The following LRRIQ3 variants were observed in gnomAD, a reference collection of about 807,000 sequenced individuals.
LRRIQ3 encodes leucine rich repeats and IQ motif containing 3.
Under a neutral mutation model 59.3 loss-of-function variants are expected in LRRIQ3, and 75 were observed. That is an observed-to-expected ratio of 1.26 (90% CI 1.05 to 1.53). The LOEUF (loss-of-function observed/expected upper bound fraction) is 1.53. Among genes scored for constraint, LRRIQ3 ranks in the 40% most tolerant of loss-of-function variants. The pLI, the probability that LRRIQ3 is intolerant of heterozygous loss-of-function variation, is 0.00. For missense variants in LRRIQ3, 831 were observed against 710.0 expected (o/e 1.17, Z -1.94); for synonymous variants, 250 against 231.3 (o/e 1.08, Z -0.73).
chr1:74,163,637 A>G (rs1434603320), intron 3 of LRRIQ3, among the ~76,000 whole-genome samples: 1 of 151,542 alleles, frequency 6.6e-6, no homozygotes, highest in Non-Finnish European at 1.5e-5. Context: ...GGGATGTGTC[A>G]ATTCATTTAA....
intron 6 of LRRIQ3, among the ~76,000 whole-genome samples, chr1:74,072,093 T>C (rs909937549): frequency 6.6e-6 from 1 of 152,144 alleles, no homozygotes; most frequent in African/African-American, 2.4e-5. Context: ...AGTTTGATTA[T>C]CACCATTATA....
intron 7 of LRRIQ3, among the ~76,000 whole-genome samples, chr1:74,040,060 C>T (rs1406687241): frequency 6.6e-6 from 1 of 151,948 alleles, no homozygotes; most frequent in African/African-American, 2.4e-5. Context: ...TGCAGACACA[C>T]ATAGGCTCAA....
At chr1:74,038,684 G>T (rs1653948255) in intron 7 of LRRIQ3, among the ~76,000 whole-genome samples, 1 of 152,180 alleles carries the variant, frequency 6.6e-6, no homozygotes, top group Non-Finnish European at 1.5e-5. Flanking sequence ...GATGAATAGT[G>T]CTTGAAGCGA....
intron 4 of LRRIQ3, among the ~76,000 whole-genome samples, chr1:74,145,781 AT>A (rs1647532163): frequency 6.6e-6 from 1 of 152,120 alleles, no homozygotes; most frequent in African/African-American, 2.4e-5. Context: ...AGTTTTAAAA[AT>A]AAATCCTCAA....
intron 4 of LRRIQ3, among the ~76,000 whole-genome samples, chr1:74,124,959 A>C (rs919160433): frequency 6.6e-6 from 1 of 151,980 alleles, no homozygotes; most frequent in Non-Finnish European, 1.5e-5. Context: ...TAGTATGGAC[A>C]TTTTAAAAAT....
At chr1:74,112,274 A>T (rs4596834) in intron 4 of LRRIQ3, among the ~76,000 whole-genome samples, 46,571 of 152,020 alleles carry the variant, frequency 0.31, 7,946 homozygotes, top group Middle Eastern at 0.45. Flanking sequence ...TCTCAAAGTG[A>T]ACTGACTTTA....
intron 4 of LRRIQ3, among the ~76,000 whole-genome samples, chr1:74,111,692 T>C (rs963041639): frequency 2.0e-5 from 3 of 152,078 alleles, no homozygotes; most frequent in African/African-American, 7.2e-5. Context: ...GAAAATCTAT[T>C]ACATCTCAGT....
In LRRIQ3 at chr1:74,094,813, T is replaced by C. The variant is rs572516090; in HGVS notation, c.867+14581A>G. Reference sequence around the variant, plus strand: ...ATGATGGAATTTTTTCTGACTATTATAGTGACATAAGCTTTTAGGTTTGCT... The same window carrying C: ...ATGATGGAATTTTTTCTGACTATTACAGTGACATAAGCTTTTAGGTTTGCT... On this transcript the variant is annotated intron_variant, in intron 5 of 7. Coordinates refer to ENST00000354431, the MANE Select transcript of LRRIQ3 (RefSeq NM_001105659.2). Among the ~76,000 whole-genome samples the C allele has an allele frequency of 3.9e-4, 60 of 152,254 alleles. No individual in the cohort carries two copies. The South Asian group carries it at 0.012, about 30-fold the overall frequency.
chr1:74,058,181 A>G (rs1654593936), intron 6 of LRRIQ3, among the ~76,000 whole-genome samples: 1 of 152,120 alleles, frequency 6.6e-6, no homozygotes, highest in Non-Finnish European at 1.5e-5. Context: ...TCAAAAAACT[A>G]AAAATAGAAG....
intron 3 of LRRIQ3, chr1:74,181,078 A>G (rs1012692918): frequency 1.1e-5 from 4 of 374,814 alleles, no homozygotes; most frequent in Non-Finnish European, 2.0e-5. Context: ...TCCTTTTCAT[A>G]TATTAGGTAC....
chr1:74,048,728 C>T (rs1654276035), intron 6 of LRRIQ3, among the ~76,000 whole-genome samples: 1 of 152,012 alleles, frequency 6.6e-6, no homozygotes, highest in Non-Finnish European at 1.5e-5. Flanking sequence ...TGAATATTAG[C>T]AGTCTGTCTT....
chr1:74,040,632 G>C (rs1654015300), intron 7 of LRRIQ3, among the ~76,000 whole-genome samples: 1 of 152,180 alleles, frequency 6.6e-6, no homozygotes, highest in Admixed American at 6.5e-5. Context: ...TCAGGATTAA[G>C]ACACTCACTC....
At chr1:74,147,462 T>C (rs1647649794) in intron 4 of LRRIQ3, among the ~76,000 whole-genome samples, 1 of 152,218 alleles carries the variant, frequency 6.6e-6, no homozygotes, top group African/African-American at 2.4e-5. Context: ...TGATGTTTGA[T>C]AACATAGGTT....
intron 4 of LRRIQ3, among the ~76,000 whole-genome samples, chr1:74,139,122 G>A (rs1400321093): frequency 2.3e-5 from 1 of 42,618 alleles, no homozygotes; most frequent in African/African-American, 4.7e-5. Context: ...ATGTATGTGT[G>A]TGTGTATATA....
At chr1:74,116,888 A>G (rs1476530393) in intron 4 of LRRIQ3, among the ~76,000 whole-genome samples, 2 of 152,094 alleles carry the variant, frequency 1.3e-5, no homozygotes, top group Non-Finnish European at 2.9e-5. Flanking sequence ...ATAAAGACCC[A>G]TAATTCAAAC....
rs565028705 is a variant in LRRIQ3, at chr1:74,046,994, T to C, written c.998-5061A>G. Among the ~76,000 whole-genome samples, 10 of 152,278 alleles carry C rather than the reference T, an allele frequency of 6.6e-5. No homozygotes were observed. The East Asian group carries it at 1.7e-3, about 26-fold the overall frequency. ...TGGGGAAATAGGAATGCTTTTACAC[T>C]GTTGGTGGAAGTGTAAATTAGTTCA... On this transcript the variant is annotated intron_variant, in intron 6 of 7. Coordinates refer to ENST00000354431, the MANE Select transcript of LRRIQ3 (RefSeq NM_001105659.2).
At chr1:74,176,630 T>C (rs1649656906) in intron 3 of LRRIQ3, among the ~76,000 whole-genome samples, 1 of 88,882 alleles carries the variant, frequency 1.1e-5, no homozygotes, top group Non-Finnish European at 2.2e-5. Context: ...TGAAGCTATG[T>C]TCATTTCTCA....
intron 4 of LRRIQ3, chr1:74,144,478 T>TG: frequency 2.8e-6 from 1 of 352,742 alleles, no homozygotes; most frequent in Admixed American, 4.0e-5. Flanking sequence ...AGAAAAAAAA[T>TG]GTTTTTTTTT....
chr1:74,162,498 A>C (rs1325028979), intron 3 of LRRIQ3, among the ~76,000 whole-genome samples: 1 of 151,818 alleles, frequency 6.6e-6, no homozygotes, highest in Non-Finnish European at 1.5e-5. Context: ...TCCTGGAACG[A>C]AATAGAGTGA....
Sources: gnomAD v4.1 joint callset for allele counts (sites outside exome capture counted in the v4.1 genomes callset) on GRCh38, gnomAD v4.1.1 for gene constraint, MANE v1.5 for transcripts, NCBI Gene and HGNC (gene_info 2026-07-23, HGNC 2026-07-21) for gene names.